Variants in ROBO2 observed in about 807,000 individuals in gnomAD.
The protein encoded by ROBO2 is roundabout guidance receptor 2.
In ROBO2, 53 loss-of-function variants were observed where a neutral mutation model predicts 160.8. The observed-to-expected ratio is 0.33, with a 90% confidence interval of 0.26 to 0.41. The LOEUF (loss-of-function observed/expected upper bound fraction) is 0.41. ROBO2 is among the 10% of genes least tolerant of loss of function. The pLI is 1.00. For missense variants in ROBO2, 1,577 were observed against 1,722.4 expected (o/e 0.92, Z 1.49); for synonymous variants, 664 against 611.7 (o/e 1.09, Z -1.26).
intron 2 of ROBO2, among the ~76,000 whole-genome samples, chr3:77,173,249 A>G (rs1366364548): frequency 6.6e-6 from 1 of 152,180 alleles, no homozygotes; most frequent in Non-Finnish European, 1.5e-5. Flanking sequence ...GCCTAATGAT[A>G]GACATTTGGA....
chr3:76,292,027 A>T (rs994446723), intron 2 of ROBO2, among the ~76,000 whole-genome samples: 1 of 151,970 alleles, frequency 6.6e-6, no homozygotes, highest in Non-Finnish European at 1.5e-5. Context: ...TGTTAGGGCT[A>T]TTTGGTCAAG....
At chr3:77,244,465 T>C (rs752435498) in intron 2 of ROBO2, among the ~76,000 whole-genome samples, 21 of 152,278 alleles carry the variant, frequency 1.4e-4, no homozygotes, top group Admixed American at 2.0e-4. Flanking sequence ...ATAAATATCA[T>C]TGGGTGTGTA....
At chr3:76,218,541 C>G (rs1362890754) in intron 2 of ROBO2, among the ~76,000 whole-genome samples, 1 of 152,086 alleles carries the variant, frequency 6.6e-6, no homozygotes, top group Non-Finnish European at 1.5e-5. Flanking sequence ...AGAGCCAAAT[C>G]CTGAGTGAAT....
At chr3:76,802,443 C>T (rs1046764874) in intron 2 of ROBO2, among the ~76,000 whole-genome samples, 1 of 152,080 alleles carries the variant, frequency 6.6e-6, no homozygotes, top group Non-Finnish European at 1.5e-5. Context: ...ATACCACCTT[C>T]AGAGGCCGGG....
At chr3:76,367,708 A>G (rs1242661986) in intron 2 of ROBO2, among the ~76,000 whole-genome samples, 2 of 152,004 alleles carry the variant, frequency 1.3e-5, no homozygotes, top group Non-Finnish European at 1.5e-5. Flanking sequence ...TAAATAATCT[A>G]CTTTGAAAAT....
In ROBO2 at chr3:76,786,470, G is replaced by T. The variant is rs555551301; in HGVS notation, c.110-311544G>T. On this transcript the variant is annotated intron_variant, in intron 2 of 26. Coordinates refer to the ROBO2 transcript ENST00000487694. ...AGGCATATCTTACAAGGTGGTAGCAGAAAGAAGAGAGAGAAGGGGGAGGTG... is the reference window on the plus strand; with the variant it reads ...AGGCATATCTTACAAGGTGGTAGCATAAAGAAGAGAGAGAAGGGGGAGGTG... Among the ~76,000 whole-genome samples, 4 of 151,358 alleles carry T rather than the reference G, an allele frequency of 2.6e-5. No individual in the cohort carries two copies. The South Asian group carries it at 8.3e-4, about 31-fold the overall frequency.
At chr3:76,850,666 C>T (rs1038514760) in intron 2 of ROBO2, among the ~76,000 whole-genome samples, 1 of 152,054 alleles carries the variant, frequency 6.6e-6, no homozygotes. Flanking sequence ...TCCACACTTC[C>T]CAAAGACACC....
intron 2 of ROBO2, among the ~76,000 whole-genome samples, chr3:76,216,813 A>G (rs1476260952): frequency 1.3e-5 from 2 of 152,214 alleles, no homozygotes; most frequent in Non-Finnish European, 2.9e-5. Flanking sequence ...AGCGGACCTA[A>G]TAGACATCTA....
At chr3:76,723,858 C>A (rs776499981) in intron 2 of ROBO2, among the ~76,000 whole-genome samples, 12 of 152,176 alleles carry the variant, frequency 7.9e-5, no homozygotes, top group Non-Finnish European at 1.8e-4. Context: ...GTTAAGGGGG[C>A]AAATTCATGA....
intron 2 of ROBO2, among the ~76,000 whole-genome samples, chr3:76,543,304 G>A (rs2082914105): frequency 6.6e-6 from 1 of 152,096 alleles, no homozygotes; most frequent in African/African-American, 2.4e-5. Flanking sequence ...TTAAGGTTAA[G>A]TGAGTTCATA....
intron 2 of ROBO2, among the ~76,000 whole-genome samples, chr3:77,411,187 A>G (rs546670682): frequency 6.6e-6 from 1 of 152,258 alleles, no homozygotes; most frequent in Admixed American, 6.5e-5. Flanking sequence ...CTTCTTGCCC[A>G]TTCTTCACTG....
intron 2 of ROBO2, among the ~76,000 whole-genome samples, chr3:77,191,121 A>G (rs1055556118): frequency 1.3e-5 from 2 of 152,144 alleles, no homozygotes; most frequent in African/African-American, 4.8e-5. Context: ...TGGGATATTT[A>G]TCTAAGTTCT....
Position 76,948,294 on chromosome 3 carries a change from A to G in ROBO2, c.110-149720A>G, listed in dbSNP as rs1186585428. On this transcript the variant is annotated intron_variant, in intron 2 of 26. Coordinates refer to the ROBO2 transcript ENST00000487694. ...AATTTGTTTTTAGTTTTCTTATTTGAGATTCATTTTTGTTTCCTGAATCCA... is the reference window on the plus strand; with the variant it reads ...AATTTGTTTTTAGTTTTCTTATTTGGGATTCATTTTTGTTTCCTGAATCCA... Among the ~76,000 whole-genome samples, 4 of 152,044 alleles carry G rather than the reference A, an allele frequency of 2.6e-5. No individual in the cohort carries two copies. In the East Asian group the frequency reaches 7.7e-4, roughly 29 times the overall value.
intron 2 of ROBO2, among the ~76,000 whole-genome samples, chr3:76,526,605 CATATT>C (rs1414734393): frequency 3.3e-5 from 5 of 151,896 alleles, no homozygotes; most frequent in African/African-American, 1.2e-4. Flanking sequence ...TTCTAATAAT[CATATT>C]ATATATTCAG....
rs941401555 is a variant in ROBO2, at chr3:77,452,407, A to G, written c.389-25007A>G. On this transcript the variant is annotated intron_variant, in intron 2 of 25. Transcript: ENST00000461745. ...CCTTCTGAGCATATATATAGTTAAA[A>G]TCAGATAAACTAACCATGTTTGTGT... 2.6e-5 allele frequency among the ~76,000 whole-genome samples: 4 copies of G among 152,286 alleles called. No individual in the cohort carries two copies. The East Asian group carries it at 7.7e-4, about 29-fold the overall frequency.
intron 2 of ROBO2, among the ~76,000 whole-genome samples, chr3:76,608,165 C>G (rs1020163247): frequency 6.6e-6 from 1 of 152,188 alleles, no homozygotes; most frequent in Non-Finnish European, 1.5e-5. Flanking sequence ...CCTCAACCTC[C>G]TGTTCTGTTA....
At chr3:76,868,815 G>A (rs991926873) in intron 2 of ROBO2, among the ~76,000 whole-genome samples, 1 of 150,550 alleles carries the variant, frequency 6.6e-6, no homozygotes, top group African/African-American at 2.4e-5. Flanking sequence ...TAAATAACAC[G>A]TATTGTGCTA....
chr3:76,102,970 G>GC (rs1285469348), intron 2 of ROBO2, among the ~76,000 whole-genome samples: 2 of 151,952 alleles, frequency 1.3e-5, no homozygotes, highest in South Asian at 2.1e-4. Flanking sequence ...GACTGCAGGC[G>GC]CCGCCACCAC....
Position 77,204,760 on chromosome 3 carries a change from C to T in ROBO2, c.388+106420C>T, listed in dbSNP as rs564216002. On this transcript the variant is annotated intron_variant, in intron 2 of 25. Coordinates refer to ENST00000461745, the Ensembl canonical transcript of ROBO2. ...ATGTGTCCACCACAACAAAAACATA[C>T]GCTTCAAGACAGATTATCCATGTTG... Among the ~76,000 whole-genome samples, 7 of 152,282 alleles carry T rather than the reference C, an allele frequency of 4.6e-5. No individual in the cohort carries two copies. The East Asian group carries it at 7.7e-4, about 17-fold the overall frequency.
Sources: allele counts gnomAD v4.1 joint callset (sites outside exome capture counted in the v4.1 genomes callset), GRCh38; gene constraint gnomAD v4.1.1; transcripts MANE v1.5; gene names NCBI Gene and HGNC (gene_info 2026-07-23, HGNC 2026-07-21).